The following AGBL1 variants were observed in gnomAD, a reference collection of about 807,000 sequenced individuals.
AGBL1 encodes AGBL carboxypeptidase 1.
AGBL1 carries 130 observed loss-of-function variants against 118.9 expected under a neutral mutation model. The ratio of observed to expected loss-of-function variants is 1.09; its 90% CI spans 0.95 to 1.26. AGBL1 has a LOEUF of 1.26. AGBL1 is among the 50% of genes most tolerant of loss of function. The probability of loss-of-function intolerance (pLI) is 0.00; values close to 1 mark genes in which losing one functional copy is unlikely to be tolerated. For synonymous variants in AGBL1, 555 were observed against 478.9 expected (o/e 1.16, Z -2.08); for missense variants, 1,584 against 1,298.1 (o/e 1.22, Z -3.38).
At chr15:86,462,465 T>C (rs537095821) in intron 18 of AGBL1, among the ~76,000 whole-genome samples, 133 of 152,212 alleles carry the variant, frequency 8.7e-4, no homozygotes, top group East Asian at 1.5e-3. Context: ...CTTTTACTTC[T>C]GGGATACACG....
chr15:86,951,657 G>A (rs1327087874), intron 23 of AGBL1, among the ~76,000 whole-genome samples: 1 of 152,112 alleles, frequency 6.6e-6, no homozygotes, highest in African/African-American at 2.4e-5. Flanking sequence ...GAGTTGCTAA[G>A]ATGAGACACA....
chr15:86,566,119 G>A (rs2083909755), intron 21 of AGBL1, among the ~76,000 whole-genome samples: 1 of 151,860 alleles, frequency 6.6e-6, no homozygotes, highest in African/African-American at 2.4e-5. Context: ...TCACCTCGTT[G>A]GGCTGCACTC....
intron 22 of AGBL1, among the ~76,000 whole-genome samples, chr15:86,691,238 CA>C (rs1374293690): frequency 1.3e-5 from 2 of 152,096 alleles, no homozygotes; most frequent in African/African-American, 4.8e-5. Context: ...AAGCAAAACA[CA>C]AGGCTAATTA....
chr15:86,143,188 G>A (rs1392321053), intron 2 of AGBL1, among the ~76,000 whole-genome samples: 2 of 152,140 alleles, frequency 1.3e-5, no homozygotes, highest in Admixed American at 1.3e-4. Context: ...TTTCTCAAGG[G>A]ACTACTGCAG....
intron 17 of AGBL1, among the ~76,000 whole-genome samples, chr15:86,306,363 G>A (rs181547948): frequency 2.6e-5 from 4 of 152,090 alleles, no homozygotes; most frequent in East Asian, 1.9e-4. Flanking sequence ...ATCTTCATGA[G>A]TTCAATTGAT....
chr15:86,709,685 T>C (rs1280590217), intron 22 of AGBL1, among the ~76,000 whole-genome samples: 2 of 152,176 alleles, frequency 1.3e-5, no homozygotes, highest in Non-Finnish European at 1.5e-5. Context: ...CTAGAGTAGG[T>C]ATTTGATCTA....
chr15:86,488,013 G>T (rs190022949), intron 18 of AGBL1, among the ~76,000 whole-genome samples: 174 of 152,070 alleles, frequency 1.1e-3, no homozygotes, highest in African/African-American at 4.1e-3. Context: ...AACAATAAGA[G>T]CACTAAACAT....
chr15:86,944,519 C>A (rs1237297965), intron 23 of AGBL1, among the ~76,000 whole-genome samples: 3 of 152,100 alleles, frequency 2.0e-5, no homozygotes, highest in African/African-American at 7.2e-5. Flanking sequence ...GATAGAGAGA[C>A]AGAACATTCG....
chr15:86,081,252 C>T (rs907710803), intron 1 of AGBL1, among the ~76,000 whole-genome samples: 2 of 152,146 alleles, frequency 1.3e-5, no homozygotes, highest in African/African-American at 4.8e-5. Context: ...ACCATGTCGG[C>T]CAGACTGGTC....
chr15:86,705,800 C>T lies in AGBL1; in HGVS notation c.3158+31364C>T, dbSNP rs1596387923. Among the ~76,000 whole-genome samples, 6 of 152,194 alleles carry T rather than the reference C, an allele frequency of 3.9e-5. 1 individual carries two copies. Among genetic ancestry groups the T allele is most frequent in the Admixed American group, 3.9e-4 (6 of 15,286 alleles). On this transcript the variant is annotated intron_variant, in intron 22 of 22. Transcript: ENST00000614907. ...TCTCACAGAGCACATCAAGGTGTCT[C>T]TAGTGCTTTGAAAACCAATGTTAAA...
intron 22 of AGBL1, among the ~76,000 whole-genome samples, chr15:86,758,366 T>A (rs1361743249): frequency 2.6e-5 from 4 of 152,140 alleles, no homozygotes; most frequent in Non-Finnish European, 5.9e-5. Flanking sequence ...CTCAAGGAAG[T>A]ATTTTCTAGC....
intron 18 of AGBL1, among the ~76,000 whole-genome samples, chr15:86,511,187 T>G (rs1261270087): frequency 6.6e-6 from 1 of 152,114 alleles, no homozygotes; most frequent in Non-Finnish European, 1.5e-5. Context: ...AGAGGAATAT[T>G]AATTTTACAT....
intron 6 of AGBL1, among the ~76,000 whole-genome samples, chr15:86,233,878 A>C (rs558282257): frequency 1.3e-5 from 2 of 152,192 alleles, no homozygotes; most frequent in Non-Finnish European, 2.9e-5. Context: ...TTTTACTGGC[A>C]GGCAGGATGG....
chr15:86,973,038 C>T (rs2141706471), intron 23 of AGBL1, among the ~76,000 whole-genome samples: 1 of 151,948 alleles, frequency 6.6e-6, no homozygotes, highest in South Asian at 2.1e-4. Flanking sequence ...GTTGTGTGAC[C>T]TTTGGTGAAT....
At position 86,143,704 on chromosome 15, in the gene AGBL1, G is replaced by T. The variant is rs1440593211; in HGVS notation, c.121G>T (p.Asp41Tyr). ...VLGDLLSVGTDRRIHYMISKG... is the reference protein window; with the variant it reads ...VLGDLLSVGTYRRIHYMISKG... The stretch of plus-strand genomic sequence containing the variant: ...TTCCTCCGGTTTCCCCTCAGGCACA[G>T]ACCGGAGAATTCACTACATGATCAG... The change falls in exon 3 of 23, where the codon GAC becomes TAC. Residue 41 changes from aspartate to tyrosine, a missense_variant. Transcript: ENST00000614907. 5.6e-6 allele frequency: 9 copies of T among 1,613,422 alleles called. No individual in the cohort carries two copies. In the African/African-American group the frequency reaches 6.7e-5, roughly 12 times the overall value.
chr15:86,747,516 A>G (rs894770903), intron 22 of AGBL1, among the ~76,000 whole-genome samples: 1 of 152,198 alleles, frequency 6.6e-6, no homozygotes, highest in African/African-American at 2.4e-5. Flanking sequence ...TCTAGGGTAC[A>G]TGTGCACAAC....
intron 21 of AGBL1, among the ~76,000 whole-genome samples, chr15:86,599,507 AT>A (rs1332566299): frequency 6.6e-6 from 1 of 152,034 alleles, no homozygotes; most frequent in African/African-American, 2.4e-5. Flanking sequence ...TATGTTATGC[AT>A]TCTTTCAAGT....
At chr15:86,526,623 G>GTA (rs943551214) in intron 19 of AGBL1, among the ~76,000 whole-genome samples, 38 of 136,546 alleles carry the variant, frequency 2.8e-4, no homozygotes, top group Middle Eastern at 3.8e-3. Context: ...TAAATACACA[G>GTA]TATATATATA....
chr15:86,284,983 C>G (rs996579439), intron 16 of AGBL1, among the ~76,000 whole-genome samples: 13 of 151,996 alleles, frequency 8.6e-5, no homozygotes, highest in Admixed American at 8.5e-4. Flanking sequence ...AGAAACCCAC[C>G]CCTGTGGCTT....
Sources: gnomAD v4.1 joint callset for allele counts (sites outside exome capture counted in the v4.1 genomes callset) on GRCh38, gnomAD v4.1.1 for gene constraint, MANE v1.5 for transcripts, NCBI Gene and HGNC (gene_info 2026-07-23, HGNC 2026-07-21) for gene names.